EIF4G3: variants seen among roughly 807,000 people sequenced by gnomAD.
EIF4G3 encodes the protein eIF-4-gamma 3.
EIF4G3 carries 34 observed loss-of-function variants against 186.4 expected under a neutral mutation model. The ratio of observed to expected loss-of-function variants is 0.18; its 90% confidence interval spans 0.14 to 0.24. The LOEUF is 0.24. Ranked by LOEUF, EIF4G3 falls within the 10% of genes least tolerant of loss-of-function variation. The probability of loss-of-function intolerance (pLI) is 1.00; values close to 1 mark genes in which losing one functional copy is unlikely to be tolerated. For synonymous variants in EIF4G3, 673 were observed against 679.5 expected, an observed-to-expected ratio of 0.99 and a Z score of 0.15; for missense variants, 1,536 against 1,948.5, an observed-to-expected ratio of 0.79 and a Z score of 3.99.
rs34883265 is a variant in EIF4G3 at position 20,943,967 on chromosome 1, A to ATT, written c.824-1639_824-1638dup. ...AAATATTTCAGGAAAACTTGTCTTT[A>ATT]TTTTTTTTGTGTGTGTGTGTGTGTG... On this transcript the variant is annotated intron_variant, in intron 13 of 36. Coordinates refer to ENST00000602326, the MANE Select transcript of EIF4G3 (RefSeq NM_001391906.1). Among the ~76,000 whole-genome samples, 12 of 65,380 alleles carry ATT rather than the reference A, an allele frequency of 1.8e-4. 1 individual carries two copies. The highest frequency in any genetic ancestry group is 5.9e-4 in the African/African-American group (10 of 17,048). 42.9% of individuals were successfully genotyped at this position (65,380 alleles called of 152,430 possible).
chr1:20,883,316 A>G (rs890157239), intron 19 of EIF4G3, among the ~76,000 whole-genome samples: 1 of 152,142 alleles, frequency 6.6e-6, no homozygotes, highest in African/African-American at 2.4e-5. Context: ...TAGTCGAGGA[A>G]TGCCTTTAGA....
At chr1:21,029,811 G>A (rs980973314) in intron 4 of EIF4G3, among the ~76,000 whole-genome samples, 1 of 152,010 alleles carries the variant, frequency 6.6e-6, no homozygotes, top group Non-Finnish European at 1.5e-5. Context: ...GCATGGGATA[G>A]GAAAAAGGAA....
At position 20,827,598 on chromosome 1, in the gene EIF4G3, C is replaced by T; in HGVS notation, c.4269+19G>A. ...TTCCTAATAATACTGTTGAGTCTGA[C>T]ACTCAGTGTAACACTCACCATTTGT... On this transcript the variant is annotated intron_variant, in intron 32 of 36. Coordinates refer to ENST00000602326, the MANE Select transcript of EIF4G3 (RefSeq NM_001391906.1). 6.6e-7 allele frequency: 1 copy of T among 1,506,312 alleles called. No individual in the cohort carries two copies. Among genetic ancestry groups the T allele is most frequent in the Non-Finnish European group, 9.2e-7 (1 of 1,085,950 alleles). The allele number at this position is 1,506,312 out of a possible 1,614,324, so 93.3% of individuals were successfully genotyped here.
At chr1:21,020,245 T>C (rs185913096) in intron 4 of EIF4G3, among the ~76,000 whole-genome samples, 9 of 152,260 alleles carry the variant, frequency 5.9e-5, no homozygotes, top group Non-Finnish European at 1.2e-4. Flanking sequence ...CTTAGCACTT[T>C]GGGAGGCGGA....
In EIF4G3 at chr1:21,012,873, C is replaced by T. The variant is rs1199540722; in HGVS notation, c.-66-10065G>A. Among the ~76,000 whole-genome samples the T allele has an allele frequency of 2.6e-5, 4 of 152,120 alleles. No individual in the cohort carries two copies. The East Asian group carries it at 5.8e-4, about 22-fold the overall frequency. ...AAGTGGCACGCCGCTGTAAATTCCA[C>T]AAGACAGGTGAGAAACCGTGAGTTC... On this transcript the variant is annotated intron_variant, in intron 4 of 36. Coordinates refer to ENST00000602326, the MANE Select transcript of EIF4G3 (RefSeq NM_001391906.1).
intron 2 of EIF4G3, among the ~76,000 whole-genome samples, chr1:21,158,884 G>A (rs958500524): frequency 2.0e-5 from 3 of 151,452 alleles, no homozygotes; most frequent in East Asian, 1.9e-4. Context: ...ATATTTTCTC[G>A]CTAAATCCAA....
intron 30 of EIF4G3, among the ~76,000 whole-genome samples, chr1:20,837,281 C>A (rs1262205152): frequency 1.3e-5 from 2 of 152,118 alleles, no homozygotes; most frequent in East Asian, 3.9e-4. Context: ...TCTCAGCTCA[C>A]TGCAACCTCT....
chr1:20,961,343 A>G (rs185088567), intron 12 of EIF4G3, among the ~76,000 whole-genome samples: 5 of 152,180 alleles, frequency 3.3e-5, no homozygotes, highest in African/African-American at 1.2e-4. Context: ...AGATTGCACA[A>G]CTGCACTCCA....
chr1:21,112,444 A>G (rs1447679793), intron 2 of EIF4G3, among the ~76,000 whole-genome samples: 1 of 152,224 alleles, frequency 6.6e-6, no homozygotes, highest in East Asian at 1.9e-4. Flanking sequence ...GCTTTTGGTT[A>G]TAACATTAAC....
chr1:21,087,241 C>T (rs1485245228), intron 3 of EIF4G3, among the ~76,000 whole-genome samples: 1 of 152,066 alleles, frequency 6.6e-6, no homozygotes, highest in Non-Finnish European at 1.5e-5. Flanking sequence ...GGTTTCACTC[C>T]CTAATTCCCC....
At chr1:21,131,541 C>T (rs997200965) in intron 2 of EIF4G3, among the ~76,000 whole-genome samples, 6 of 148,700 alleles carry the variant, frequency 4.0e-5, no homozygotes, top group Non-Finnish European at 8.9e-5. Context: ...AACAAACACA[C>T]AAGCCTGGAA....
intron 7 of EIF4G3, among the ~76,000 whole-genome samples, chr1:20,994,302 A>C (rs1197434368): frequency 1.3e-5 from 2 of 152,174 alleles, no homozygotes; most frequent in Non-Finnish European, 2.9e-5. Context: ...ACCACACATA[A>C]TGCCGGTTCA....
At chr1:20,961,570 C>G (rs2096570602) in intron 12 of EIF4G3, among the ~76,000 whole-genome samples, 1 of 152,124 alleles carries the variant, frequency 6.6e-6, no homozygotes, top group South Asian at 2.1e-4. Flanking sequence ...ACTATAGTCA[C>G]CTTACTGATC....
intron 14 of EIF4G3, among the ~76,000 whole-genome samples, chr1:20,924,597 G>A (rs2094731551): frequency 6.6e-6 from 1 of 152,096 alleles, no homozygotes; most frequent in Admixed American, 6.6e-5. Flanking sequence ...GTCTCACTCT[G>A]GTCGCCCAGG....
chr1:21,117,904 C>G (rs1254957569), intron 2 of EIF4G3, among the ~76,000 whole-genome samples: 1 of 151,994 alleles, frequency 6.6e-6, no homozygotes, highest in African/African-American at 2.4e-5. Flanking sequence ...TCAACACAGA[C>G]CAGCCAAAAA....
intron 2 of EIF4G3, among the ~76,000 whole-genome samples, chr1:21,139,651 ATATGG>A (rs1225841368): frequency 6.6e-6 from 1 of 152,196 alleles, no homozygotes. Flanking sequence ...GGTCTTAACT[ATATGG>A]TATATCTAAA....
intron 2 of EIF4G3, among the ~76,000 whole-genome samples, chr1:21,155,653 C>T (rs1389836124): frequency 4.0e-5 from 6 of 150,930 alleles, no homozygotes; most frequent in South Asian, 2.1e-4. Context: ...GCTATGACAG[C>T]GCCACTGCAC....
At chr1:20,952,008 T>C (rs1417835721) in intron 12 of EIF4G3, among the ~76,000 whole-genome samples, 1 of 152,214 alleles carries the variant, frequency 6.6e-6, no homozygotes, top group African/African-American at 2.4e-5. Flanking sequence ...CATAGGTATA[T>C]AGCCACAAAT....
intron 16 of EIF4G3, among the ~76,000 whole-genome samples, chr1:20,896,936 T>C (rs2088391566): frequency 6.6e-6 from 1 of 152,184 alleles, no homozygotes; most frequent in Non-Finnish European, 1.5e-5. Context: ...CCTAGGTGTG[T>C]AGTAGGCTAG....
Sources: allele counts gnomAD v4.1 joint callset (sites outside exome capture counted in the v4.1 genomes callset), GRCh38; gene constraint gnomAD v4.1.1; transcripts MANE v1.5; gene names NCBI Gene and HGNC (gene_info 2026-07-23, HGNC 2026-07-21).